The following PTBP3 variants were observed in gnomAD, a reference collection of about 807,000 sequenced individuals.
PTBP3 encodes polypyrimidine tract binding protein 3, also known as polypyrimidine tract-binding protein 3.
PTBP3 carries 20 observed loss-of-function variants against 58.7 expected under a neutral mutation model. The ratio of observed to expected loss-of-function variants is 0.34; its 90% CI spans 0.24 to 0.50. PTBP3 has a LOEUF of 0.50. PTBP3 is among the 20% of genes least tolerant of loss of function. The pLI, the probability that PTBP3 is intolerant of heterozygous loss-of-function variation, is 0.98. For synonymous variants in PTBP3, 185 were observed against 219.8 expected (o/e 0.84, Z 1.40); for missense variants, 509 against 637.2 (o/e 0.80, Z 2.17).
chr9:112,354,437 G>A, the PTBP3 span, among the ~76,000 whole-genome samples: 1 of 152,192 alleles, frequency 6.6e-6, no homozygotes, highest in African/African-American at 2.4e-5. Context: ...ACAAAATACA[G>A]CCTGGAAAGC....
At position 112,223,486 on chromosome 9, in the gene PTBP3, T is replaced by C. The variant is rs1314220517; in HGVS notation, c.*365A>G. 4 of 915,146 alleles carry C rather than the reference T, an allele frequency of 4.4e-6. No individual in the cohort carries two copies. The highest frequency in any genetic ancestry group is 3.6e-5 in the African/African-American group (2 of 55,390). The allele number at this position is 915,146 out of a possible 1,614,324, so 56.7% of individuals were successfully genotyped here. On this transcript the variant is annotated 3_prime_UTR_variant, in exon 14 of 14. Transcript: ENST00000374257. ...AGTCTGTGTTTAAATTTTTTAAAAG[T>C]ACAAATGAGTTTAGAAATGTTGTAT... is the stretch of plus-strand genomic sequence containing the variant.
At chr9:112,375,525 T>G in the PTBP3 span, among the ~76,000 whole-genome samples, 1 of 152,232 alleles carries the variant, frequency 6.6e-6, no homozygotes, top group Non-Finnish European at 1.5e-5. Context: ...GGCCCTAGTC[T>G]TCTCTTCCTC....
At chr9:112,307,484 T>C (rs930178774) in intron 1 of PTBP3, among the ~76,000 whole-genome samples, 1 of 152,100 alleles carries the variant, frequency 6.6e-6, no homozygotes, top group African/African-American at 2.4e-5. Context: ...AATAAGATCA[T>C]AAAGTTTCAT....
chr9:112,239,802 AAAGG>A (rs1237723599), intron 7 of PTBP3, among the ~76,000 whole-genome samples: 14 of 121,708 alleles, frequency 1.2e-4, no homozygotes, highest in Non-Finnish European at 1.7e-4. Context: ...AGGAAGAAGA[AAAGG>A]AAGGAAGGAA....
intron 1 of PTBP3, among the ~76,000 whole-genome samples, chr9:112,323,084 C>CA (rs1009324076): frequency 5.0e-4 from 76 of 151,998 alleles, no homozygotes; most frequent in African/African-American, 1.8e-3. Flanking sequence ...CCAGTCTCCA[C>CA]AAAAAAAATT....
At chr9:112,353,767 C>T in the PTBP3 span, among the ~76,000 whole-genome samples, 1 of 151,688 alleles carries the variant, frequency 6.6e-6, no homozygotes. Context: ...ACCAGCCTGG[C>T]CAACATGGTG....
At chr9:112,359,568 C>T in the PTBP3 span, among the ~76,000 whole-genome samples, 1 of 152,148 alleles carries the variant, frequency 6.6e-6, no homozygotes, top group Non-Finnish European at 1.5e-5. Flanking sequence ...CTTTGGGAGG[C>T]CTAGGCAGGT....
the PTBP3 span, among the ~76,000 whole-genome samples, chr9:112,364,816 T>C: frequency 6.6e-6 from 1 of 152,128 alleles, no homozygotes; most frequent in Non-Finnish European, 1.5e-5. Context: ...AAAGTGAAGC[T>C]CCATAAAACA....
chr9:112,270,776 C>T (rs937005687), intron 3 of PTBP3, among the ~76,000 whole-genome samples: 5 of 152,134 alleles, frequency 3.3e-5, no homozygotes, highest in Non-Finnish European at 7.4e-5. Context: ...CCAACTCAGA[C>T]TCACATGGCT....
At chr9:112,268,620 G>A (rs1377618582) in intron 3 of PTBP3, among the ~76,000 whole-genome samples, 2 of 151,012 alleles carry the variant, frequency 1.3e-5, no homozygotes, top group Admixed American at 1.3e-4. Context: ...GGCTGAGTAG[G>A]AGGACTGCTC....
intron 8 of PTBP3, among the ~76,000 whole-genome samples, chr9:112,233,679 C>T (rs924044987): frequency 1.3e-5 from 2 of 152,016 alleles, no homozygotes; most frequent in Non-Finnish European, 2.9e-5. Context: ...CCCTTTAATC[C>T]CAGCACTTTG....
intron 1 of PTBP3, among the ~76,000 whole-genome samples, chr9:112,315,399 G>A (rs1175598410): frequency 6.6e-6 from 1 of 151,636 alleles, no homozygotes; most frequent in African/African-American, 2.4e-5. Flanking sequence ...AAGTCCCAAG[G>A]AAGAACACAA....
chr9:112,331,397 T>C (rs1218376167), intron 1 of PTBP3, among the ~76,000 whole-genome samples: 1 of 152,240 alleles, frequency 6.6e-6, no homozygotes, highest in Non-Finnish European at 1.5e-5. Context: ...ATGTTTTTCT[T>C]CATATCTCCT....
the PTBP3 span, among the ~76,000 whole-genome samples, chr9:112,356,242 G>A: frequency 1.7e-4 from 26 of 152,216 alleles, no homozygotes; most frequent in East Asian, 4.4e-3. Context: ...GCGTCCCAAA[G>A]TACTGAGATT....
At chr9:112,319,945 TC>T (rs960440363) in intron 1 of PTBP3, among the ~76,000 whole-genome samples, 2 of 152,136 alleles carry the variant, frequency 1.3e-5, no homozygotes, top group Non-Finnish European at 2.9e-5. Context: ...TGCTGCATGA[TC>T]CCACTTACAC....
At chr9:112,323,558 C>T (rs111356214) in intron 1 of PTBP3, among the ~76,000 whole-genome samples, 4,348 of 152,182 alleles carry the variant, frequency 0.029, 107 homozygotes, top group Non-Finnish European at 0.045. Flanking sequence ...GCAATAAAAA[C>T]GGATAATATA....
At chr9:112,298,330 T>C (rs11792332) in intron 1 of PTBP3, among the ~76,000 whole-genome samples, 105 of 152,332 alleles carry the variant, frequency 6.9e-4, no homozygotes, top group Non-Finnish European at 1.3e-3. Flanking sequence ...AAAATATACT[T>C]CATTTCCATA....
intron 7 of PTBP3, among the ~76,000 whole-genome samples, chr9:112,244,631 G>C (rs1330677261): frequency 3.3e-5 from 5 of 151,988 alleles, no homozygotes; most frequent in African/African-American, 1.2e-4. Flanking sequence ...TGAACCATGA[G>C]TGCACCACTG....
chr9:112,336,599 T>C (rs924223218), upstream of PTBP3, among the ~76,000 whole-genome samples: 3 of 151,942 alleles, frequency 2.0e-5, no homozygotes. Flanking sequence ...CTGGGCAACA[T>C]GGTGAAACCC....
Sources: allele counts gnomAD v4.1 joint callset (sites outside exome capture counted in the v4.1 genomes callset), GRCh38; gene constraint gnomAD v4.1.1; transcripts MANE v1.5; gene names NCBI Gene and HGNC (gene_info 2026-07-23, HGNC 2026-07-21).